Variants in AGAP1 observed in about 807,000 individuals in gnomAD.
AGAP1 encodes arf-GAP with GTPase, ANK repeat and PH domain-containing protein 1.
Under a neutral mutation model 105.3 loss-of-function variants are expected in AGAP1, and 29 were observed. That is an observed-to-expected ratio of 0.28 (90% confidence interval 0.21 to 0.38). The LOEUF (loss-of-function observed/expected upper bound fraction) is 0.38, where lower values mean the gene tolerates loss of function less well. AGAP1 is among the 10% of genes least tolerant of loss of function. The probability of loss-of-function intolerance (pLI) is 1.00; values close to 1 mark genes in which losing one functional copy is unlikely to be tolerated. For missense variants in AGAP1, 998 were observed against 1,165.1 expected (o/e 0.86, Z 2.09); for synonymous variants, 509 against 485.9 (o/e 1.05, Z -0.63).
rs1282695895 is a variant in AGAP1 at position 235,612,451 on chromosome 2, C to T, written c.164-96728C>T. On this transcript the variant is annotated intron_variant, in intron 1 of 17. Transcript: ENST00000304032. This position sits in a 1 kb window ranked among gnomAD's most constrained non-coding sequence, Gnocchi z 4.3. ...GGTAATGAGATCTCAGGGGCAGCGC[C>T]TAGAGTGCTGGGCCCTTCCAGATGA... Among the ~76,000 whole-genome samples the T allele has an allele frequency of 6.6e-6, 1 of 152,212 alleles. No homozygotes were observed. The highest frequency in any genetic ancestry group is 1.5e-5 in the Non-Finnish European group (1 of 68,042).
At position 235,734,667 on chromosome 2, in the gene AGAP1, C is replaced by T. The variant is rs1042491028; in HGVS notation, c.311-6296C>T. Among the ~76,000 whole-genome samples, 1 of 152,178 alleles carries T rather than the reference C, an allele frequency of 6.6e-6. No homozygotes were observed. The highest frequency in any genetic ancestry group is 6.5e-5 in the Admixed American group (1 of 15,280). On this transcript the variant is annotated intron_variant, in intron 3 of 17. Transcript: ENST00000304032. The surrounding 1 kb of genome is among the most constrained non-coding windows in gnomAD (Gnocchi z 5.3). ...GATTATTGGAGCTAAAGACAGAGGC[C>T]ACCCTTCCCAAGTGTGAGTGGAGTA... is the stretch of plus-strand genomic sequence containing the variant.
intron 3 of AGAP1, among the ~76,000 whole-genome samples, chr2:235,727,313 G>A (rs190191086): frequency 1.3e-5 from 2 of 151,698 alleles, no homozygotes; most frequent in African/African-American, 2.4e-5. Context: ...GGGTTTGTCC[G>A]TTTTAAACAT....
intron 6 of AGAP1, among the ~76,000 whole-genome samples, chr2:235,786,403 T>C (rs1312851113): frequency 1.3e-5 from 2 of 152,252 alleles, no homozygotes; most frequent in Non-Finnish European, 2.9e-5. Context: ...AGCTCTGCTC[T>C]TCGGAAGATC....
In AGAP1 at chr2:235,719,512, A is replaced by G. The variant is rs1223437371; in HGVS notation, c.310+1868A>G. Among the ~76,000 whole-genome samples the G allele has an allele frequency of 2.0e-5, 3 of 152,132 alleles. No individual in the cohort carries two copies. The highest frequency in any genetic ancestry group is 1.3e-4 in the Admixed American group (2 of 15,276). On this transcript the variant is annotated intron_variant, in intron 3 of 17. Coordinates refer to ENST00000304032, the MANE Select transcript of AGAP1 (RefSeq NM_001037131.3). The surrounding 1 kb of genome is among the most constrained non-coding windows in gnomAD (Gnocchi z 4.9). The stretch of plus-strand genomic sequence containing the variant: ...GGGGTGACCTAAACTGATCACTAAC[A>G]TCCCTGCTTCTTTGATTTTTCAAGT...
chr2:235,618,797 C>T (rs1946385419), intron 1 of AGAP1, among the ~76,000 whole-genome samples: 2 of 152,118 alleles, frequency 1.3e-5, no homozygotes, highest in Non-Finnish European at 2.9e-5. Context: ...ATAACGGCCC[C>T]CAAAGATGTC....
rs906818401 is a variant in AGAP1, at chr2:235,625,141, C to T, written c.164-84038C>T. 2.0e-5 allele frequency among the ~76,000 whole-genome samples: 3 copies of T among 152,190 alleles called. No homozygotes were observed. Among genetic ancestry groups the T allele is most frequent in the East Asian group, 1.9e-4 (1 of 5,198 alleles). ...GTGATCATTGGATGAGGAAGGCTCT[C>T]GGAATCATTCCAGGTGCCTGCTCTA... On this transcript the variant is annotated intron_variant, in intron 1 of 17. Transcript: ENST00000304032. This position sits in a 1 kb window ranked among gnomAD's most constrained non-coding sequence, Gnocchi z 4.0.
intron 5 of AGAP1, among the ~76,000 whole-genome samples, chr2:235,746,380 T>TTTC (rs1952946577): frequency 1.1e-4 from 4 of 35,036 alleles, no homozygotes; most frequent in Non-Finnish European, 2.6e-4. Context: ...CCCCCAACTT[T>TTTC]TTTTTTTTTT....
In AGAP1 at chr2:235,494,049, C is replaced by T. The variant is rs1281023663; in HGVS notation, c.-638C>T. The T allele has an allele frequency of 1.4e-5, 2 of 146,266 alleles. No homozygotes were observed. Among genetic ancestry groups the T allele is most frequent in the Admixed American group, 6.8e-5 (1 of 14,710 alleles). 9.1% of individuals were successfully genotyped at this position (146,266 alleles called of 1,614,324 possible). On this transcript the variant is annotated 5_prime_UTR_variant, in exon 1 of 18. Transcript: ENST00000304032. ...GGCGGGGCCGACGTGGGCCGGAGCC[C>T]TGCGTGCCAGGGAGGGGGCCGGCCG...
At chr2:235,668,969 G>A (rs34746040) in intron 1 of AGAP1, among the ~76,000 whole-genome samples, 27,750 of 152,010 alleles carry the variant, frequency 0.18, 3,095 homozygotes, top group East Asian at 0.34. Context: ...GTTGTCATGG[G>A]GAGCAAGTGC....
rs376044140 is a variant in AGAP1 at position 235,532,812 on chromosome 2, G to A, written c.163+37963G>A. 2.6e-5 allele frequency among the ~76,000 whole-genome samples: 4 copies of A among 152,288 alleles called. No homozygotes were observed. In the East Asian group the frequency reaches 5.8e-4, roughly 22 times the overall value. On this transcript the variant is annotated intron_variant, in intron 1 of 17. Coordinates refer to ENST00000304032, the MANE Select transcript of AGAP1 (RefSeq NM_001037131.3). ...GCGTGGGTGCAGTGGGCAGTGAGCC[G>A]TGCCATTCCCTCCTGGCAGCCGGTG...
chr2:235,815,260 G>C (rs1575538106), intron 9 of AGAP1, among the ~76,000 whole-genome samples: 1 of 152,150 alleles, frequency 6.6e-6, no homozygotes, highest in African/African-American at 2.4e-5. Context: ...GGTTCTAGAG[G>C]CTGGAGGTCC....
chr2:235,687,523 C>A (rs1051165222), intron 1 of AGAP1, among the ~76,000 whole-genome samples: 1 of 152,178 alleles, frequency 6.6e-6, no homozygotes, highest in Non-Finnish European at 1.5e-5. Flanking sequence ...GTTTAAAATT[C>A]ATTTTAGGTG....
chr2:236,093,350 G>A (rs547537800), intron 16 of AGAP1, among the ~76,000 whole-genome samples: 1 of 152,198 alleles, frequency 6.6e-6, no homozygotes, highest in African/African-American at 2.4e-5. Context: ...CCTGGACAGA[G>A]ACCTGGTGGC....
At position 235,582,692 on chromosome 2, in the gene AGAP1, T is replaced by C. The variant is rs181921733; in HGVS notation, c.163+87843T>C. On this transcript the variant is annotated intron_variant, in intron 1 of 17. Coordinates refer to ENST00000304032, the MANE Select transcript of AGAP1 (RefSeq NM_001037131.3). The surrounding 1 kb of genome is among the most constrained non-coding windows in gnomAD (Gnocchi z 4.7). ...AGGAAGGATTTAGCTGCTGGAGTGA[T>C]GGCCGAAGGAGCCTGGGAGAAGTCA... Among the ~76,000 whole-genome samples the C allele has an allele frequency of 1.6e-4, 24 of 152,364 alleles. No homozygotes were observed. Among genetic ancestry groups the C allele is most frequent in the African/African-American group, 5.0e-4 (21 of 41,598 alleles).
rs967054852 is a variant in AGAP1 at position 236,127,493 on chromosome 2, A to G, written c.*3371A>G. The G allele has an allele frequency of 2.0e-5, 3 of 152,284 alleles. No homozygotes were observed. The highest frequency in any genetic ancestry group is 4.4e-5 in the Non-Finnish European group (3 of 68,120). The allele number at this position is 152,284 out of a possible 1,614,324, so 9.4% of individuals were successfully genotyped here. A position where few individuals can be genotyped will look rare whatever the true frequency, so the allele number is the denominator to read the frequency against. The stretch of plus-strand genomic sequence containing the variant: ...ATCGCAGGGTTCTCAGACACAGGAG[A>G]GAGCGGGATCTTAATGAATTGCATT... On this transcript the variant is annotated 3_prime_UTR_variant, in exon 18 of 18. Coordinates refer to ENST00000304032, the MANE Select transcript of AGAP1 (RefSeq NM_001037131.3). This position sits in a 1 kb window ranked among gnomAD's most constrained non-coding sequence, Gnocchi z 6.6.
rs1054707471 is a variant in AGAP1 at position 235,723,766 on chromosome 2, G to A, written c.310+6122G>A. Among the ~76,000 whole-genome samples the A allele has an allele frequency of 2.0e-4, 3 of 15,368 alleles. No individual in the cohort carries two copies. Among genetic ancestry groups the A allele is most frequent in the South Asian group, 4.0e-3 (2 of 504 alleles). 10.1% of individuals were successfully genotyped at this position (15,368 alleles called of 152,430 possible). On this transcript the variant is annotated intron_variant, in intron 3 of 17. Coordinates refer to ENST00000304032, the MANE Select transcript of AGAP1 (RefSeq NM_001037131.3). This position sits in a 1 kb window ranked among gnomAD's most constrained non-coding sequence, Gnocchi z 6.2. ...TATGGATTGAGTGGGAGCTTTTATC[G>A]TTGGTTGGTTGGTTGGTTGGTTGGT...
At chr2:235,537,065 G>T (rs867062140) in intron 1 of AGAP1, among the ~76,000 whole-genome samples, 2 of 152,244 alleles carry the variant, frequency 1.3e-5, no homozygotes, top group South Asian at 4.1e-4. Context: ...CAGGTCCAGC[G>T]TTGGGCATGC....
intron 6 of AGAP1, among the ~76,000 whole-genome samples, chr2:235,780,505 T>A (rs960718456): frequency 2.6e-5 from 4 of 152,194 alleles, no homozygotes; most frequent in African/African-American, 9.7e-5. Flanking sequence ...ACCACAGATT[T>A]GCTGAAATCA....
At chr2:235,949,772 A>G (rs1350776711) in intron 12 of AGAP1, among the ~76,000 whole-genome samples, 1 of 152,162 alleles carries the variant, frequency 6.6e-6, no homozygotes, top group East Asian at 1.9e-4. Flanking sequence ...GAGCTACCCC[A>G]GCCACGCCGC....
Sources: gnomAD v4.1 joint callset for allele counts (sites outside exome capture counted in the v4.1 genomes callset) on GRCh38, gnomAD v4.1.1 for gene constraint, Gnocchi (gnomAD v3.1) non-coding constraint, MANE v1.5 for transcripts, NCBI Gene and HGNC (gene_info 2026-07-23, HGNC 2026-07-21) for gene names.